Variants in RASGEF1A observed in about 807,000 individuals in gnomAD.
RASGEF1A encodes the protein ras-GEF domain-containing family member 1A.
In RASGEF1A, 18 loss-of-function variants were observed where a neutral mutation model predicts 56.4. The ratio of observed to expected loss-of-function variants is 0.32; its 90% CI spans 0.22 to 0.47. The LOEUF (loss-of-function observed/expected upper bound fraction) is 0.47. Ranked by LOEUF, RASGEF1A falls within the 20% of genes least tolerant of loss-of-function variation. The pLI, the probability that RASGEF1A is intolerant of heterozygous loss-of-function variation, is 1.00. For missense variants in RASGEF1A, 422 were observed against 627.1 expected (o/e 0.67, Z 3.49); for synonymous variants, 245 against 242.6 (o/e 1.01, Z -0.09).
intron 1 of RASGEF1A, among the ~76,000 whole-genome samples, chr10:43,257,864 A>G (rs2133229733): frequency 6.6e-6 from 1 of 152,318 alleles, no homozygotes. Context: ...CCTAGGACTG[A>G]CAGACACTCC....
intron 1 of RASGEF1A, among the ~76,000 whole-genome samples, chr10:43,250,273 C>T (rs1955355): frequency 0.041 from 6,214 of 152,228 alleles, 171 homozygotes; most frequent in South Asian, 0.088. Context: ...AGGAGGGCCA[C>T]CTGGAATGGG....
At chr10:43,241,872 T>C (rs1657434805) in intron 1 of RASGEF1A, among the ~76,000 whole-genome samples, 1 of 152,152 alleles carries the variant, frequency 6.6e-6, no homozygotes, top group Non-Finnish European at 1.5e-5. Context: ...ATGCAGAGGC[T>C]CACGCCTGTA....
Position 43,199,253 on chromosome 10 carries a change from C to T in RASGEF1A, c.850-59G>A, listed in dbSNP as rs1227370525. ...GCCGGGGGACAGCAGGAGCTGGGGC[C>T]GCCGGGCAGAGGAACAGAGGGGCAG... On this transcript the variant is annotated intron_variant, in intron 7 of 12. Coordinates refer to ENST00000395810, the MANE Select transcript of RASGEF1A (RefSeq NM_145313.4). The T allele has an allele frequency of 4.4e-6, 6 of 1,367,268 alleles. No individual in the cohort carries two copies. In the South Asian group the frequency reaches 6.1e-5, roughly 14 times the overall value. The allele number at this position is 1,367,268 out of a possible 1,614,324, so 84.7% of individuals were successfully genotyped here.
chr10:43,259,891 C>G (rs1362322061), intron 1 of RASGEF1A, among the ~76,000 whole-genome samples: 3 of 151,712 alleles, frequency 2.0e-5, no homozygotes, highest in Non-Finnish European at 2.9e-5. Context: ...GGGGGATGGC[C>G]AGCTCAGGAG....
intron 1 of RASGEF1A, among the ~76,000 whole-genome samples, chr10:43,234,905 C>A (rs1438730503): frequency 6.6e-6 from 1 of 152,242 alleles, no homozygotes; most frequent in Non-Finnish European, 1.5e-5. Flanking sequence ...CCTGCACACA[C>A]AGCCACGGTC....
intron 1 of RASGEF1A, among the ~76,000 whole-genome samples, chr10:43,245,064 C>T (rs981784057): frequency 6.6e-6 from 1 of 151,858 alleles, no homozygotes; most frequent in South Asian, 2.1e-4. Flanking sequence ...TCTAACTACA[C>T]TGAACAAGAA....
At chr10:43,228,877 G>C (rs1461810650) in intron 1 of RASGEF1A, among the ~76,000 whole-genome samples, 1 of 152,230 alleles carries the variant, frequency 6.6e-6, no homozygotes, top group Non-Finnish European at 1.5e-5. Context: ...TGCTGAGTAA[G>C]TGAAAGAAGG....
In RASGEF1A at chr10:43,196,630, CCAGCA is replaced by C; in HGVS notation, c.1349-87_1349-83del. 1 of 1,289,310 alleles carries C rather than the reference CCAGCA, an allele frequency of 7.8e-7. No homozygotes were observed. The highest frequency in any genetic ancestry group is 1.1e-6 in the Non-Finnish European group (1 of 894,888). 79.9% of individuals were successfully genotyped at this position (1,289,310 alleles called of 1,614,324 possible). ...CCAGCTGTCCCTTCAGGAGTACAGC[CCAGCA>C]CAAGGGGACAGTGACCTCTGGCTGG... On this transcript the variant is annotated intron_variant, in intron 11 of 12. Transcript: ENST00000395810. The surrounding 1 kb of genome is among the most constrained non-coding windows in gnomAD (Gnocchi z 4.6).
chr10:43,199,572 G>T, intron 7 of RASGEF1A, 104 bp downstream of exon 7: 1 of 897,380 alleles, frequency 1.1e-6, no homozygotes, highest in Non-Finnish European at 1.8e-6. Flanking sequence ...GGGACTTTGT[G>T]CATTCACTCT....
chr10:43,232,304 G>A (rs1435762258), intron 1 of RASGEF1A, among the ~76,000 whole-genome samples: 1 of 152,042 alleles, frequency 6.6e-6, no homozygotes, highest in Non-Finnish European at 1.5e-5. Context: ...AAAGTGTGGG[G>A]CACCTCCCCC....
At chr10:43,225,305 GTGTGTGTC>G (rs1045860449) in intron 1 of RASGEF1A, among the ~76,000 whole-genome samples, 7 of 144,584 alleles carry the variant, frequency 4.8e-5, no homozygotes, top group African/African-American at 1.0e-4. Flanking sequence ...CTGTGTCTTT[GTGTGTGTC>G]TGTGTGTCTG....
intron 1 of RASGEF1A, among the ~76,000 whole-genome samples, chr10:43,251,392 T>A (rs1840626561): frequency 6.6e-6 from 1 of 152,028 alleles, no homozygotes; most frequent in South Asian, 2.1e-4. Context: ...CGTGCTAGGA[T>A]TTGCACCTCA....
intron 1 of RASGEF1A, among the ~76,000 whole-genome samples, chr10:43,236,297 C>G (rs750243842): frequency 6.6e-6 from 1 of 152,238 alleles, no homozygotes; most frequent in Non-Finnish European, 1.5e-5. Flanking sequence ...GTCTAGGGCA[C>G]CGCGCATCCA....
chr10:43,224,400 T>G (rs1276355706), intron 1 of RASGEF1A, among the ~76,000 whole-genome samples: 1 of 152,238 alleles, frequency 6.6e-6, no homozygotes, highest in Non-Finnish European at 1.5e-5. Context: ...GCAGCATTTT[T>G]AAGCACAATA....
At chr10:43,229,757 C>G in intron 1 of RASGEF1A, 2 of 1,314,532 alleles carry the variant, frequency 1.5e-6, no homozygotes, top group Non-Finnish European at 1.9e-6. Flanking sequence ...GCGCCGGCCC[C>G]TGCCGCTGGA....
At chr10:43,203,145 A>C (rs1588929047) in intron 3 of RASGEF1A, among the ~76,000 whole-genome samples, 153 bp downstream of exon 3, 2 of 25,558 alleles carry the variant, frequency 7.8e-5, no homozygotes, top group Admixed American at 5.6e-4. Flanking sequence ...CCTGGACCCC[A>C]TCCCACAGTC....
intron 1 of RASGEF1A, chr10:43,206,683 C>T (rs567143162): frequency 1.2e-5 from 12 of 987,178 alleles, no homozygotes; most frequent in Admixed American, 1.2e-4. Flanking sequence ...GTCTGACTTA[C>T]GGTGGCTGCC....
Position 43,252,454 on chromosome 10 carries a change from G to C in RASGEF1A, c.-7+14391C>G, listed in dbSNP as rs112209375. ...GCTACGGGGCTGCGGGACAGGCCGG[G>C]GCTCGGCATCCAGCAGCTCTTTCTA... On this transcript the variant is annotated intron_variant, in intron 1 of 12. Transcript: ENST00000395810. 5.1e-3 allele frequency among the ~76,000 whole-genome samples: 773 copies of C among 152,186 alleles called. 4 individuals carry two copies. Among genetic ancestry groups the C allele is most frequent in the African/African-American group, 0.017 (718 of 41,524 alleles).
intron 1 of RASGEF1A, among the ~76,000 whole-genome samples, chr10:43,249,266 C>T (rs1293361066): frequency 6.6e-6 from 1 of 152,218 alleles, no homozygotes; most frequent in Non-Finnish European, 1.5e-5. Flanking sequence ...CCAGCTCCCA[C>T]CTGCTGCTGT....
Sources: gnomAD v4.1 joint callset for allele counts (sites outside exome capture counted in the v4.1 genomes callset) on GRCh38, gnomAD v4.1.1 for gene constraint, Gnocchi (gnomAD v3.1) non-coding constraint, MANE v1.5 for transcripts, NCBI Gene and HGNC (gene_info 2026-07-23, HGNC 2026-07-21) for gene names.